ITFG1: variants seen among roughly 807,000 people sequenced by gnomAD.
ITFG1 encodes the protein integrin alpha FG-GAP repeat containing 1.
Under a neutral mutation model 81.8 loss-of-function variants are expected in ITFG1, and 34 were observed. The observed-to-expected ratio is 0.42, with a 90% CI of 0.32 to 0.55. ITFG1 has a LOEUF of 0.55. ITFG1 is among the 20% of genes least tolerant of loss of function. The pLI, the probability that ITFG1 is intolerant of heterozygous loss-of-function variation, is 0.17. For missense variants in ITFG1, 672 were observed against 755.4 expected (o/e 0.89, Z 1.29); for synonymous variants, 285 against 270.6 (o/e 1.05, Z -0.52).
intron 8 of ITFG1, among the ~76,000 whole-genome samples, chr16:47,316,144 A>G (rs1310418439): frequency 2.0e-5 from 3 of 152,154 alleles, no homozygotes; most frequent in Non-Finnish European, 2.9e-5. Flanking sequence ...TGAGAGTACA[A>G]TTTCAAGAGT....
chr16:47,334,904 GC>G (rs1452965187), intron 8 of ITFG1, among the ~76,000 whole-genome samples: 1 of 152,062 alleles, frequency 6.6e-6, no homozygotes, highest in Non-Finnish European at 1.5e-5. Flanking sequence ...GACTTACAGA[GC>G]TAAAATTAGA....
rs369122665 is a variant in ITFG1 at position 47,222,476 on chromosome 16, C to T, written c.1375-3530G>A. ...TCGCCCAGGCCGGAGTGCAGTGGCG[C>T]GATCTCGGCTCACTGCAAGCTCCGC... On this transcript the variant is annotated intron_variant, in intron 13 of 17. Transcript: ENST00000320640. 7.0e-4 allele frequency among the ~76,000 whole-genome samples: 105 copies of T among 149,850 alleles called. 2 individuals carry two copies. Among genetic ancestry groups the T allele is most frequent in the Admixed American group, 5.4e-3 (81 of 15,050 alleles).
chr16:47,187,244 A>G (rs568956567), intron 14 of ITFG1, among the ~76,000 whole-genome samples: 2 of 152,362 alleles, frequency 1.3e-5, no homozygotes, highest in East Asian at 1.9e-4. Context: ...CTTTCTTCAC[A>G]GAATTGGAAA....
At chr16:47,459,874 G>T (rs1030016955) in intron 1 of ITFG1, among the ~76,000 whole-genome samples, 3 of 152,178 alleles carry the variant, frequency 2.0e-5, no homozygotes, top group Non-Finnish European at 2.9e-5. Flanking sequence ...AATATTCAGG[G>T]TTTGTAAGAG....
chr16:47,375,917 C>T lies in ITFG1; in HGVS notation c.679G>A (p.Ala227Thr). 1 of 1,605,852 alleles carries T rather than the reference C, an allele frequency of 6.2e-7. No homozygotes were observed. The highest frequency in any genetic ancestry group is 1.1e-5 in the South Asian group (1 of 90,458). Residue 227 changes from alanine (A) to threonine (T), a missense_variant, in exon 7 of 18, where the codon GCC (alanine) becomes ACC (threonine). Ala to Thr is a moderately conservative substitution (Grantham distance 58). Transcript: ENST00000320640. ...TCAAACTGGAAGGTACTAGTGGTGG[C>T]ATTCAATGTCGTCAGGAATAAATCT... ...TADLFLTTLN[A>T]TTSTFQFEIW...
At chr16:47,186,508 A>G (rs1289634111) in intron 14 of ITFG1, among the ~76,000 whole-genome samples, 1 of 152,166 alleles carries the variant, frequency 6.6e-6, no homozygotes, top group Non-Finnish European at 1.5e-5. Context: ...AAAGACAAAA[A>G]CCACACGATT....
chr16:47,444,945 T>C (rs1969304061), intron 5 of ITFG1, among the ~76,000 whole-genome samples: 1 of 152,002 alleles, frequency 6.6e-6, no homozygotes, highest in African/African-American at 2.4e-5. Flanking sequence ...CTCTCAACAA[T>C]AATGGATTTT....
At chr16:47,204,716 G>A (rs1965471056) in intron 14 of ITFG1, among the ~76,000 whole-genome samples, 1 of 152,168 alleles carries the variant, frequency 6.6e-6, no homozygotes, top group Admixed American at 6.5e-5. Context: ...TATTATTAAG[G>A]TGCATGCATC....
intron 10 of ITFG1, among the ~76,000 whole-genome samples, chr16:47,307,118 A>AAAC (rs1967180123): frequency 6.7e-6 from 1 of 148,632 alleles, no homozygotes; most frequent in Non-Finnish European, 1.5e-5. Context: ...AAAAAAAAAA[A>AAAC]AAAAACGGAG....
chr16:47,411,376 G>T (rs1326247692), intron 6 of ITFG1, among the ~76,000 whole-genome samples: 1 of 152,174 alleles, frequency 6.6e-6, no homozygotes, highest in East Asian at 1.9e-4. Context: ...AAACTAGCTG[G>T]TTGGGGCAGA....
chr16:47,443,128 CCAAAAAACA>C (rs1352756471), intron 5 of ITFG1, among the ~76,000 whole-genome samples: 1 of 152,046 alleles, frequency 6.6e-6, no homozygotes, highest in African/African-American at 2.4e-5. Flanking sequence ...ATTTATGCAG[CCAAAAAACA>C]CATGAAAAAA....
intron 5 of ITFG1, among the ~76,000 whole-genome samples, chr16:47,440,011 A>G (rs935694978): frequency 2.6e-5 from 4 of 152,040 alleles, no homozygotes; most frequent in African/African-American, 9.7e-5. Flanking sequence ...CAAATGGAAA[A>G]CAAAAAAAGG....
At chr16:47,190,885 G>A (rs999873672) in intron 14 of ITFG1, among the ~76,000 whole-genome samples, 2 of 152,164 alleles carry the variant, frequency 1.3e-5, no homozygotes, top group Non-Finnish European at 2.9e-5. Context: ...CTGGGGTTGG[G>A]GTTTGGTGGG....
chr16:47,174,063 A>G (rs980143327), intron 14 of ITFG1, among the ~76,000 whole-genome samples: 1 of 152,032 alleles, frequency 6.6e-6, no homozygotes, highest in African/African-American at 2.4e-5. Flanking sequence ...AACAAAAAAC[A>G]AAAACAAACA....
At chr16:47,174,159 T>C (rs576825953) in intron 14 of ITFG1, among the ~76,000 whole-genome samples, 1 of 152,366 alleles carries the variant, frequency 6.6e-6, no homozygotes, top group East Asian at 1.9e-4. Context: ...ATTCAGGTTA[T>C]GTTGTAATTT....
At chr16:47,288,305 C>T (rs7200149) in intron 10 of ITFG1, among the ~76,000 whole-genome samples, 17,648 of 152,160 alleles carry the variant, frequency 0.12, 2,219 homozygotes, top group African/African-American at 0.32. Flanking sequence ...ATATTTTCCA[C>T]TGTGTTTATA....
intron 10 of ITFG1, among the ~76,000 whole-genome samples, chr16:47,286,384 A>T (rs1257969227): frequency 6.6e-6 from 1 of 152,170 alleles, no homozygotes; most frequent in Admixed American, 6.6e-5. Flanking sequence ...TCACACCTGT[A>T]ATCCCAACAC....
chr16:47,333,985 C>A (rs1357895232), intron 8 of ITFG1, among the ~76,000 whole-genome samples: 1 of 152,148 alleles, frequency 6.6e-6, no homozygotes, highest in Non-Finnish European at 1.5e-5. Flanking sequence ...ATCTGGCACA[C>A]CATTTACCAT....
At chr16:47,257,975 T>G (rs1966159292) in intron 12 of ITFG1, among the ~76,000 whole-genome samples, 1 of 152,202 alleles carries the variant, frequency 6.6e-6, no homozygotes, top group African/African-American at 2.4e-5. Context: ...AGAAGGTTGA[T>G]TCAGGGAGTT....
Sources: gnomAD v4.1 joint callset for allele counts (sites outside exome capture counted in the v4.1 genomes callset) on GRCh38, gnomAD v4.1.1 for gene constraint, MANE v1.5 for transcripts, NCBI Gene and HGNC (gene_info 2026-07-23, HGNC 2026-07-21) for gene names.